PRKN: variants seen among roughly 807,000 people sequenced by gnomAD.
PRKN encodes the protein parkin RBR E3 ubiquitin protein ligase.
PRKN carries 56 observed loss-of-function variants against 59.5 expected under a neutral mutation model. The ratio of observed to expected loss-of-function variants is 0.94; its 90% CI spans 0.76 to 1.18. PRKN has a LOEUF of 1.18. Ranked by LOEUF, PRKN falls within the 50% of genes most tolerant of loss-of-function variation. PRKN has a pLI of 0.00. For missense variants in PRKN, 657 were observed against 596.4 expected, an observed-to-expected ratio of 1.10 and a Z score of -1.06; for synonymous variants, 250 against 222.1, an observed-to-expected ratio of 1.13 and a Z score of -1.12.
intron 4 of PRKN, among the ~76,000 whole-genome samples, chr6:162,200,492 A>C (rs1784680497): frequency 6.6e-6 from 1 of 152,168 alleles, no homozygotes; most frequent in Non-Finnish European, 1.5e-5. Flanking sequence ...GGACATGAGA[A>C]TGTAAATTTC....
intron 7 of PRKN, among the ~76,000 whole-genome samples, chr6:161,669,525 T>A (rs1015873691): frequency 6.6e-6 from 1 of 152,262 alleles, no homozygotes; most frequent in Non-Finnish European, 1.5e-5. Flanking sequence ...ATGTTTCCGA[T>A]GTTCCAATGT....
intron 1 of PRKN, among the ~76,000 whole-genome samples, chr6:162,575,050 C>T (rs529431990): frequency 1.3e-5 from 2 of 152,254 alleles, no homozygotes; most frequent in East Asian, 3.9e-4. Flanking sequence ...CATAACATTT[C>T]AGTTTTTATG....
rs1255911907 is a variant in PRKN at position 161,527,402 on chromosome 6, T to G, written c.1083+21452A>C. Among the ~76,000 whole-genome samples the G allele has an allele frequency of 2.0e-5, 3 of 151,752 alleles. No individual in the cohort carries two copies. The highest frequency in any genetic ancestry group is 1.5e-5 in the Non-Finnish European group (1 of 68,018). ...TGTAATTTGTGCTTCACACAAACAATTCCACCTATAAGGCCAGAAGGGCTG... is the reference window on the plus strand; with the variant it reads ...TGTAATTTGTGCTTCACACAAACAAGTCCACCTATAAGGCCAGAAGGGCTG... On this transcript the variant is annotated intron_variant, in intron 9 of 11. Coordinates refer to ENST00000366898, the MANE Select transcript of PRKN (RefSeq NM_004562.3). The surrounding 1 kb of genome is among the most constrained non-coding windows in gnomAD (Gnocchi z 4.6).
chr6:162,200,598 T>C (rs904279697), intron 4 of PRKN, among the ~76,000 whole-genome samples: 1 of 152,190 alleles, frequency 6.6e-6, no homozygotes, highest in Non-Finnish European at 1.5e-5. Flanking sequence ...AAACAAGCAG[T>C]GGCCACAGCA....
intron 1 of PRKN, among the ~76,000 whole-genome samples, chr6:162,491,269 C>CAAA (rs1415926992): frequency 1.3e-5 from 1 of 76,024 alleles, no homozygotes; most frequent in African/African-American, 4.7e-5. Context: ...GACTCTGGCT[C>CAAA]AAAAAAAAAA....
Position 161,975,258 on chromosome 6 carries a change from C to T in PRKN, c.619-1841G>A, listed in dbSNP as rs1442067525. ...CCGCCACCACGCCTGGCCAATTTTT[C>T]GTATTAGTAGAGACGGGGTTTCACC... On this transcript the variant is annotated intron_variant, in intron 5 of 11. Transcript: ENST00000366898. 2.6e-5 allele frequency among the ~76,000 whole-genome samples: 4 copies of T among 151,794 alleles called. No homozygotes were observed. In the South Asian group the frequency reaches 6.3e-4, roughly 24 times the overall value.
intron 2 of PRKN, among the ~76,000 whole-genome samples, chr6:162,388,172 C>G (rs1301325280): frequency 6.6e-6 from 1 of 152,166 alleles, no homozygotes; most frequent in African/African-American, 2.4e-5. Flanking sequence ...GGCAATGGAC[C>G]AGGTTTCATT....
intron 2 of PRKN, among the ~76,000 whole-genome samples, chr6:162,277,637 C>T (rs916490857): frequency 6.6e-6 from 1 of 152,098 alleles, no homozygotes; most frequent in Non-Finnish European, 1.5e-5. Flanking sequence ...GGGCCAAAGG[C>T]TTTAACAGAT....
intron 6 of PRKN, among the ~76,000 whole-genome samples, chr6:161,946,442 TCTCTCTCTC>T (rs1217055927): frequency 1.4e-5 from 2 of 143,620 alleles, no homozygotes; most frequent in African/African-American, 5.1e-5. Flanking sequence ...TCTCTCTCTC[TCTCTCTCTC>T]AATACAAAAG....
Position 162,588,772 on chromosome 6 carries a change from C to T in PRKN, c.7+138890G>A, listed in dbSNP as rs1186132950. Reference sequence around the variant, plus strand: ...TTCACCGTGTTAGCCAGGATGGTCTCGATCTCCTGACCTCGTGATCCACCT... The same window carrying T: ...TTCACCGTGTTAGCCAGGATGGTCTTGATCTCCTGACCTCGTGATCCACCT... On this transcript the variant is annotated intron_variant, in intron 1 of 11. Coordinates refer to ENST00000366898, the MANE Select transcript of PRKN (RefSeq NM_004562.3). Among the ~76,000 whole-genome samples the T allele has an allele frequency of 2.6e-5, 4 of 151,840 alleles. No homozygotes were observed. The East Asian group carries it at 7.8e-4, about 30-fold the overall frequency.
chr6:162,541,212 C>A (rs1327473022), intron 1 of PRKN, among the ~76,000 whole-genome samples: 1 of 152,164 alleles, frequency 6.6e-6, no homozygotes, highest in East Asian at 1.9e-4. Context: ...GAGACAGACA[C>A]GAGGCTGAGT....
intron 2 of PRKN, among the ~76,000 whole-genome samples, chr6:162,356,225 T>A (rs574335477): frequency 1.1e-4 from 17 of 152,296 alleles, no homozygotes; most frequent in Non-Finnish European, 2.2e-4. Context: ...CTACGTAATG[T>A]AGAAAGCAGA....
intron 9 of PRKN, among the ~76,000 whole-genome samples, chr6:161,512,067 T>A (rs942801287): frequency 1.3e-5 from 2 of 152,300 alleles, no homozygotes; most frequent in African/African-American, 2.4e-5. Flanking sequence ...GTGACAAAAA[T>A]TATACAGTAG....
chr6:162,504,494 G>C (rs1793518905), intron 1 of PRKN, among the ~76,000 whole-genome samples: 2 of 152,130 alleles, frequency 1.3e-5, no homozygotes, highest in Admixed American at 6.6e-5. Context: ...TCAATGGACT[G>C]GAATAGAAGC....
chr6:162,446,492 T>C lies in PRKN; in HGVS notation c.8-3019A>G, dbSNP rs570030267. Among the ~76,000 whole-genome samples, 4 of 152,272 alleles carry C rather than the reference T, an allele frequency of 2.6e-5. No homozygotes were observed. The East Asian group carries it at 7.7e-4, about 29-fold the overall frequency. Reference sequence around the variant, plus strand: ...ATTAAAGATACCTCTGTCCAACTACTGAAATCCTAAGTATATACAAGTTTT... The same window carrying C: ...ATTAAAGATACCTCTGTCCAACTACCGAAATCCTAAGTATATACAAGTTTT... On this transcript the variant is annotated intron_variant, in intron 1 of 11. Transcript: ENST00000366898.
rs1209260796 is a variant in PRKN at position 161,581,650 on chromosome 6, T to C, written c.872-12234A>G. On this transcript the variant is annotated intron_variant, in intron 7 of 11. Transcript: ENST00000366898. This position sits in a 1 kb window ranked among gnomAD's most constrained non-coding sequence, Gnocchi z 4.5. Reference sequence around the variant, plus strand: ...TCAACAGTGAGCAAGAGACAGGAAATAGAATGGAAGAAATGAAGGAAAAAT... The same window carrying C: ...TCAACAGTGAGCAAGAGACAGGAAACAGAATGGAAGAAATGAAGGAAAAAT... Among the ~76,000 whole-genome samples the C allele has an allele frequency of 6.6e-6, 1 of 151,836 alleles. No individual in the cohort carries two copies. The highest frequency in any genetic ancestry group is 1.5e-5 in the Non-Finnish European group (1 of 67,974).
chr6:162,558,885 G>A (rs954680369), intron 1 of PRKN, among the ~76,000 whole-genome samples: 1 of 151,914 alleles, frequency 6.6e-6, no homozygotes, highest in African/African-American at 2.4e-5. Flanking sequence ...CAAGTGATCT[G>A]CCCACCTCAG....
chr6:161,831,807 G>A (rs936465298), intron 6 of PRKN, among the ~76,000 whole-genome samples: 23 of 150,920 alleles, frequency 1.5e-4, no homozygotes, highest in African/African-American at 5.6e-4. Flanking sequence ...AGGGAGAGGA[G>A]GCAGAAGGAA....
At chr6:161,636,280 C>T (rs1396073648) in intron 7 of PRKN, among the ~76,000 whole-genome samples, 1 of 152,240 alleles carries the variant, frequency 6.6e-6, no homozygotes, top group Non-Finnish European at 1.5e-5. Flanking sequence ...ATATTTGTCT[C>T]CCAGCCCTGA....
Sources: allele counts gnomAD v4.1 joint callset (sites outside exome capture counted in the v4.1 genomes callset), GRCh38; gene constraint gnomAD v4.1.1; non-coding constraint Gnocchi (gnomAD v3.1); transcripts MANE v1.5; gene names NCBI Gene and HGNC (gene_info 2026-07-23, HGNC 2026-07-21).